The following TFB1M variants were observed in gnomAD, a reference collection of about 807,000 sequenced individuals.
TFB1M encodes dimethyladenosine transferase 1, mitochondrial.
A neutral mutation model predicts 31.1 loss-of-function variants in TFB1M; 27 were observed. The ratio of observed to expected loss-of-function variants is 0.87; its 90% confidence interval spans 0.64 to 1.20. TFB1M has a LOEUF of 1.20. TFB1M is among the 50% of genes most tolerant of loss of function. The pLI is 0.00. For missense variants in TFB1M, 394 were observed against 418.7 expected, an observed-to-expected ratio of 0.94 and a Z score of 0.51; for synonymous variants, 166 against 151.8, an observed-to-expected ratio of 1.09 and a Z score of -0.69.
At chr6:155,311,113 TG>T in intron 2 of TFB1M, 74 bp downstream of exon 2, 1 of 1,516,412 alleles carries the variant, frequency 6.6e-7, no homozygotes. Context: ...TTGGATACCT[TG>T]GGGTTTAAGC....
chr6:155,311,343 G>A lies in TFB1M; in HGVS notation c.134-4C>T, dbSNP rs1778010260. ...CCAGCTTTCCTTACAATCTTATCTAGAGGAAAAAGAGTTTTAGTTATCTCA... is the reference window on the plus strand; with the variant it reads ...CCAGCTTTCCTTACAATCTTATCTAAAGGAAAAAGAGTTTTAGTTATCTCA... On this transcript the variant is annotated splice_region_variant and splice_polypyrimidine_tract_variant and intron_variant, in intron 1 of 6. Transcript: ENST00000367166. 6.2e-7 allele frequency: 1 copy of A among 1,613,048 alleles called. No homozygotes were observed. Among genetic ancestry groups the A allele is most frequent in the Non-Finnish European group, 8.5e-7 (1 of 1,179,110 alleles).
chr6:155,299,027 T>C (rs1401085021), intron 2 of TFB1M, among the ~76,000 whole-genome samples: 1 of 152,218 alleles, frequency 6.6e-6, no homozygotes, highest in Non-Finnish European at 1.5e-5. Context: ...CAAAGGATTC[T>C]ATATATCATC....
the TFB1M span, among the ~76,000 whole-genome samples, chr6:155,234,912 C>T: frequency 2.6e-5 from 4 of 152,226 alleles, no homozygotes; most frequent in Non-Finnish European, 5.9e-5. Context: ...AACTAGATTG[C>T]TTTGCCTGTG....
the TFB1M span, among the ~76,000 whole-genome samples, chr6:155,233,368 A>G: frequency 0.5 from 75,962 of 151,942 alleles, 20,091 homozygotes; most frequent in African/African-American, 0.61. Context: ...ATTGCACTGA[A>G]CCCAGGTTAG....
intron 4 of TFB1M, among the ~76,000 whole-genome samples, chr6:155,293,498 T>C (rs1201613015): frequency 6.6e-6 from 1 of 152,186 alleles, no homozygotes; most frequent in Non-Finnish European, 1.5e-5. Flanking sequence ...ATTTCTTATG[T>C]ATTGTTGCAG....
the TFB1M span, chr6:155,250,605 T>C: frequency 6.5e-7 from 1 of 1,536,106 alleles, no homozygotes; most frequent in South Asian, 1.2e-5. Context: ...AAAGGCACTC[T>C]GGAAGAACCA....
chr6:155,282,337 G>C (rs886617317), intron 5 of TFB1M, among the ~76,000 whole-genome samples: 2 of 152,172 alleles, frequency 1.3e-5, no homozygotes, highest in Non-Finnish European at 1.5e-5. Flanking sequence ...CAATGGTAGT[G>C]AAAGTTCTGC....
downstream of TFB1M, chr6:155,251,833 T>C (rs756961939): frequency 2.5e-6 from 2 of 816,016 alleles, no homozygotes; most frequent in Non-Finnish European, 4.0e-6. Context: ...GAGTGAGGTC[T>C]TAGAGACTCA....
chr6:155,244,615 T>G, the TFB1M span: 1 of 1,604,878 alleles, frequency 6.2e-7, no homozygotes, highest in Non-Finnish European at 8.5e-7. Context: ...TGTCCTGAAC[T>G]TCATGGCTAA....
At chr6:155,284,396 A>T (rs1163399707) in intron 5 of TFB1M, among the ~76,000 whole-genome samples, 3 of 152,208 alleles carry the variant, frequency 2.0e-5, no homozygotes, top group Admixed American at 1.3e-4. Context: ...AGAAATTTCT[A>T]TTCCTCATGA....
intron 5 of TFB1M, among the ~76,000 whole-genome samples, chr6:155,272,094 A>C (rs1023502146): frequency 4.6e-5 from 7 of 152,196 alleles, no homozygotes; most frequent in African/African-American, 1.7e-4. Context: ...AGAATTTCTG[A>C]AATAAGCCTC....
chr6:155,275,077 T>C (rs1413776584), intron 5 of TFB1M, among the ~76,000 whole-genome samples: 1 of 150,066 alleles, frequency 6.7e-6, no homozygotes, highest in Non-Finnish European at 1.5e-5. Context: ...AAAAAAAAAA[T>C]TAGCCGGGCA....
chr6:155,282,963 G>A (rs983483473), intron 5 of TFB1M, among the ~76,000 whole-genome samples: 1 of 151,976 alleles, frequency 6.6e-6, no homozygotes, highest in African/African-American at 2.4e-5. Context: ...TCCTGACCTC[G>A]TGATCCGCCC....
chr6:155,256,909 T>G lies in TFB1M; in HGVS notation c.*927A>C. 6.2e-7 allele frequency: 1 copy of G among 1,614,228 alleles called. No individual in the cohort carries two copies. ...GCAGCCCAAACTGGTCCGGGGGCAC[T>G]TCTGCCCCATTAAACGAAAAGCCAA... is the stretch of plus-strand genomic sequence containing the variant. On this transcript the variant is annotated 3_prime_UTR_variant, in exon 7 of 7. Coordinates refer to ENST00000367166, the MANE Select transcript of TFB1M (RefSeq NM_016020.4).
At chr6:155,270,919 A>T (rs1162782622) in intron 5 of TFB1M, among the ~76,000 whole-genome samples, 2 of 152,198 alleles carry the variant, frequency 1.3e-5, no homozygotes, top group African/African-American at 4.8e-5. Flanking sequence ...CATGAAATAA[A>T]ATCAAAGAAC....
chr6:155,241,151 G>A, the TFB1M span, among the ~76,000 whole-genome samples: 3 of 151,988 alleles, frequency 2.0e-5, no homozygotes, highest in Non-Finnish European at 4.4e-5. Flanking sequence ...GTGTAGAACT[G>A]GGACGCACAC....
intron 4 of TFB1M, among the ~76,000 whole-genome samples, chr6:155,288,136 T>C (rs116252255): frequency 1.4e-4 from 21 of 152,302 alleles, no homozygotes; most frequent in African/African-American, 4.8e-4. Flanking sequence ...GATTAAAAAA[T>C]AGGTTCTGTG....
the TFB1M span, among the ~76,000 whole-genome samples, chr6:155,247,731 T>TCCTG: frequency 6.6e-6 from 1 of 152,218 alleles, no homozygotes; most frequent in Admixed American, 6.5e-5. Flanking sequence ...AGTCAGACAT[T>TCCTG]CCTGCATTTT....
rs750105081 is a variant in TFB1M at position 155,275,917 on chromosome 6, GA to G, written c.666+9240del. 7 of 1,614,020 alleles carry G rather than the reference GA, an allele frequency of 4.3e-6. No homozygotes were observed. In the Admixed American group the frequency reaches 8.3e-5, roughly 19 times the overall value. ...GCACTGGGATGTTCAGCTGTGCCCT[GA>G]AACACTCCATTCTGTCCCTCCCCAT... On this transcript the variant is annotated intron_variant, in intron 5 of 6. Transcript: ENST00000367166.
Sources: allele counts gnomAD v4.1 joint callset (sites outside exome capture counted in the v4.1 genomes callset), GRCh38; gene constraint gnomAD v4.1.1; transcripts MANE v1.5; gene names NCBI Gene and HGNC (gene_info 2026-07-23, HGNC 2026-07-21).